SYNDIG1L: variants seen among roughly 807,000 people sequenced by gnomAD.
The protein encoded by SYNDIG1L is synapse differentiation inducing 1 like.
In SYNDIG1L, 13 loss-of-function variants were observed where a neutral mutation model predicts 20.1. That is an observed-to-expected ratio of 0.65 (90% CI 0.42 to 1.03). The LOEUF (loss-of-function observed/expected upper bound fraction) is 1.03. Ranked by LOEUF, SYNDIG1L falls within the 50% of genes least tolerant of loss-of-function variation. SYNDIG1L has a pLI of 0.00. For synonymous variants in SYNDIG1L, 128 were observed against 129.3 expected (o/e 0.99, Z 0.07); for missense variants, 294 against 305.1 (o/e 0.96, Z 0.27).
chr14:74,445,440 C>T, the SYNDIG1L span, among the ~76,000 whole-genome samples: 1 of 148,522 alleles, frequency 6.7e-6, no homozygotes, highest in Non-Finnish European at 1.5e-5. Context: ...AGCTTCCTTA[C>T]GATGTATTAA....
At chr14:74,452,335 T>C in the SYNDIG1L span, among the ~76,000 whole-genome samples, 1 of 152,198 alleles carries the variant, frequency 6.6e-6, no homozygotes, top group African/African-American at 2.4e-5. Context: ...CATCTTGAAT[T>C]GTAACTCCCA....
chr14:74,414,002 G>A (rs998883150), intron 1 of SYNDIG1L, among the ~76,000 whole-genome samples: 5 of 152,230 alleles, frequency 3.3e-5, no homozygotes, highest in African/African-American at 1.2e-4. Flanking sequence ...GAGGGTGGCA[G>A]GTCCCCAGAC....
At chr14:74,461,876 G>A in the SYNDIG1L span, among the ~76,000 whole-genome samples, 3 of 141,510 alleles carry the variant, frequency 2.1e-5, no homozygotes, top group African/African-American at 5.4e-5. Context: ...GAGCTCAGGA[G>A]TTTGAGGCCA....
intron 1 of SYNDIG1L, among the ~76,000 whole-genome samples, chr14:74,413,146 C>G (rs1314250970): frequency 6.6e-6 from 1 of 152,232 alleles, no homozygotes; most frequent in Non-Finnish European, 1.5e-5. Context: ...GTTCTTCCCC[C>G]TATTCCCCCA....
intron 1 of SYNDIG1L, among the ~76,000 whole-genome samples, chr14:74,419,659 C>G (rs2086205839): frequency 6.6e-6 from 1 of 152,176 alleles, no homozygotes. Context: ...GTAAGTTGTG[C>G]TAGCAGCACA....
the SYNDIG1L span, among the ~76,000 whole-genome samples, chr14:74,456,393 G>T: frequency 2.0e-5 from 3 of 152,026 alleles, no homozygotes; most frequent in South Asian, 2.1e-4. Flanking sequence ...TGCCGGGCCT[G>T]GTGGTGCATG....
intron 2 of SYNDIG1L, among the ~76,000 whole-genome samples, chr14:74,408,890 A>G (rs2086107157): frequency 6.6e-6 from 1 of 152,050 alleles, no homozygotes; most frequent in South Asian, 2.1e-4. Flanking sequence ...AACAAGTGCT[A>G]TTGAACAATG....
intron 1 of SYNDIG1L, among the ~76,000 whole-genome samples, chr14:74,410,193 G>A (rs989065193): frequency 2.0e-5 from 3 of 152,306 alleles, no homozygotes; most frequent in Admixed American, 6.5e-5. Flanking sequence ...GTAAAATCAA[G>A]TCTCTGCCCT....
the SYNDIG1L span, chr14:74,472,324 C>T: frequency 6.6e-6 from 1 of 152,224 alleles, no homozygotes; most frequent in African/African-American, 2.4e-5. Context: ...TACAGGGGCT[C>T]CCTGTTTGGT....
At chr14:74,467,420 T>C in the SYNDIG1L span, among the ~76,000 whole-genome samples, 19,098 of 152,120 alleles carry the variant, frequency 0.13, 2,550 homozygotes, top group African/African-American at 0.33. Context: ...CTTAGGCAGA[T>C]GCTCAGTACC....
chr14:74,423,178 G>T (rs575576977), intron 1 of SYNDIG1L, among the ~76,000 whole-genome samples: 1 of 152,150 alleles, frequency 6.6e-6, no homozygotes, highest in Admixed American at 6.5e-5. Context: ...GGGAACACAG[G>T]AAGCAGCCAA....
At chr14:74,474,584 A>T in the SYNDIG1L span, 1 of 152,292 alleles carries the variant, frequency 6.6e-6, no homozygotes, top group Non-Finnish European at 1.5e-5. Context: ...GGCAGGCTGA[A>T]CTGAAGACAG....
chr14:74,474,842 G>A, the SYNDIG1L span: 1 of 152,060 alleles, frequency 6.6e-6, no homozygotes, highest in African/African-American at 2.4e-5. Flanking sequence ...GCTGCTATAG[G>A]GTTAAATGGT....
intron 1 of SYNDIG1L, among the ~76,000 whole-genome samples, chr14:74,412,970 C>T (rs2086144109): frequency 6.6e-6 from 1 of 152,110 alleles, no homozygotes; most frequent in Admixed American, 6.5e-5. Flanking sequence ...GCCCCAGGGC[C>T]CACAGAGCAG....
the SYNDIG1L span, among the ~76,000 whole-genome samples, chr14:74,448,177 T>C: frequency 1.3e-5 from 2 of 152,080 alleles, no homozygotes; most frequent in Non-Finnish European, 2.9e-5. Flanking sequence ...ATATTAAATA[T>C]AAATAAATAG....
At chr14:74,475,326 G>A in the SYNDIG1L span, among the ~76,000 whole-genome samples, 3 of 151,284 alleles carry the variant, frequency 2.0e-5, no homozygotes, top group East Asian at 5.8e-4. Flanking sequence ...ACCTGAGGTG[G>A]GTATATTCTT....
At chr14:74,462,349 T>C in the SYNDIG1L span, among the ~76,000 whole-genome samples, 1 of 151,510 alleles carries the variant, frequency 6.6e-6, no homozygotes, top group African/African-American at 2.4e-5. Flanking sequence ...CCAGGTGTGG[T>C]GGTGCACGCC....
At chr14:74,436,214 C>T in the SYNDIG1L span, among the ~76,000 whole-genome samples, 1 of 143,578 alleles carries the variant, frequency 7.0e-6, no homozygotes, top group Non-Finnish European at 1.5e-5. Flanking sequence ...CCTTGAAATC[C>T]CTTACCCCAC....
At chr14:74,428,037 T>A (rs1438083531), upstream of SYNDIG1L, among the ~76,000 whole-genome samples, 5 of 152,246 alleles carry the variant, frequency 3.3e-5, no homozygotes, top group African/African-American at 1.2e-4. Flanking sequence ...GATAATTACA[T>A]GCTGCTGCCT....
Sources: allele counts gnomAD v4.1 joint callset (sites outside exome capture counted in the v4.1 genomes callset), GRCh38; gene constraint gnomAD v4.1.1; transcripts MANE v1.5; gene names NCBI Gene and HGNC (gene_info 2026-07-23, HGNC 2026-07-21).